RABL3: variants seen among roughly 807,000 people sequenced by gnomAD.
RABL3 encodes the protein RAB, member of RAS oncogene family like 3.
Under a neutral mutation model 31.8 loss-of-function variants are expected in RABL3, and 31 were observed. The observed-to-expected ratio is 0.97, with a 90% CI of 0.73 to 1.31. The LOEUF (loss-of-function observed/expected upper bound fraction) is 1.31, where lower values mean the gene tolerates loss of function less well. RABL3 is among the 40% of genes most tolerant of loss of function. The pLI is 0.00. For synonymous variants in RABL3, 97 were observed against 99.9 expected, an observed-to-expected ratio of 0.97 and a Z score of 0.18; for missense variants, 263 against 279.6, an observed-to-expected ratio of 0.94 and a Z score of 0.42.
rs780485372 is a variant in RABL3 at position 120,685,866 on chromosome 3, T to TA, written c.*3956dup. ...CAAAATCCTGGCCTTATCCTATACA[T>TA]ATAGAAAGGGGAGAGTAAGGGAAGA... On this transcript the variant is annotated 3_prime_UTR_variant, in exon 8 of 8. Transcript: ENST00000273375. Among the ~76,000 whole-genome samples, 1 of 152,176 alleles carries TA rather than the reference T, an allele frequency of 6.6e-6. No individual in the cohort carries two copies. The highest frequency in any genetic ancestry group is 1.5e-5 in the Non-Finnish European group (1 of 68,016).
At chr3:120,731,163 T>C (rs547260529) in intron 1 of RABL3, among the ~76,000 whole-genome samples, 20 of 152,334 alleles carry the variant, frequency 1.3e-4, no homozygotes, top group Admixed American at 2.0e-4. Flanking sequence ...ATCCCTTTCC[T>C]TTTGAATGAT....
chr3:120,699,863 C>T (rs1381314547), intron 4 of RABL3, among the ~76,000 whole-genome samples: 1 of 152,188 alleles, frequency 6.6e-6, no homozygotes, highest in Non-Finnish European at 1.5e-5. Flanking sequence ...TCAACAGCAA[C>T]TCTAATTAAA....
intron 2 of RABL3, among the ~76,000 whole-genome samples, chr3:120,727,782 T>C (rs1307258683): frequency 6.6e-6 from 1 of 152,116 alleles, no homozygotes; most frequent in Non-Finnish European, 1.5e-5. Flanking sequence ...GCAAGGTTGG[T>C]TTAACATTCA....
rs1033148650 is a variant in RABL3 at position 120,686,720 on chromosome 3, T to C, written c.*3103A>G. The C allele has an allele frequency of 6.6e-6, 1 of 152,230 alleles. No homozygotes were observed. Among genetic ancestry groups the C allele is most frequent in the African/African-American group, 2.4e-5 (1 of 41,460 alleles). 9.4% of individuals were successfully genotyped at this position (152,230 alleles called of 1,614,324 possible). On this transcript the variant is annotated 3_prime_UTR_variant, in exon 8 of 8. Coordinates refer to ENST00000273375, the MANE Select transcript of RABL3 (RefSeq NM_173825.5). ...ACACACATTTATTTACTGTAAGTTTTACATGACAGGAATCTTCAGAAATGA... is the reference window on the plus strand; with the variant it reads ...ACACACATTTATTTACTGTAAGTTTCACATGACAGGAATCTTCAGAAATGA...
At chr3:120,712,945 G>A (rs1410149663) in intron 2 of RABL3, among the ~76,000 whole-genome samples, 2 of 151,986 alleles carry the variant, frequency 1.3e-5, no homozygotes, top group Non-Finnish European at 2.9e-5. Context: ...CTTCTGGGAT[G>A]GGGCTCAAGA....
At chr3:120,732,580 A>C (rs571959961) in intron 1 of RABL3, among the ~76,000 whole-genome samples, 23 of 152,220 alleles carry the variant, frequency 1.5e-4, no homozygotes, top group African/African-American at 5.5e-4. Context: ...TTTTATTATT[A>C]TACTTTAAGT....
chr3:120,703,972 A>C (rs1708521799), intron 4 of RABL3, among the ~76,000 whole-genome samples: 1 of 152,186 alleles, frequency 6.6e-6, no homozygotes, highest in African/African-American at 2.4e-5. Context: ...AATTCTACCA[A>C]ACCTTCAAAG....
At chr3:120,735,563 T>C (rs1183015252) in intron 1 of RABL3, among the ~76,000 whole-genome samples, 1 of 152,170 alleles carries the variant, frequency 6.6e-6, no homozygotes, top group Non-Finnish European at 1.5e-5. Flanking sequence ...GCTCTGATCT[T>C]AGTTATTTCT....
chr3:120,736,142 G>C (rs896710537), intron 1 of RABL3, among the ~76,000 whole-genome samples: 5 of 152,100 alleles, frequency 3.3e-5, no homozygotes, highest in African/African-American at 7.2e-5. Context: ...TTGACAGTGG[G>C]GTGTTAAAGT....
At chr3:120,694,277 T>C (rs1023319509) in intron 5 of RABL3, 53 bp from the exon 6 acceptor site, 4 of 1,206,592 alleles carry the variant, frequency 3.3e-6, no homozygotes, top group Non-Finnish European at 4.9e-6. Context: ...CCCAAGCTCG[T>C]TGCTATTCAT....
rs180830651 is a variant in RABL3 at position 120,698,602 on chromosome 3, T to G, written c.384-29A>C. The G allele has an allele frequency of 7.7e-6, 12 of 1,562,126 alleles. No homozygotes were observed. The African/African-American group carries it at 1.2e-4, about 16-fold the overall frequency. ...TGATAAATAATAATGAAGAGGTGAA[T>G]AGAATGTATCTTTCTGGTGTAGATG... On this transcript the variant is annotated intron_variant, in intron 4 of 7. Transcript: ENST00000273375.
intron 1 of RABL3, among the ~76,000 whole-genome samples, chr3:120,741,415 T>C (rs1230210906): frequency 1.3e-5 from 2 of 152,170 alleles, no homozygotes; most frequent in East Asian, 3.8e-4. Context: ...TTTTATTTAG[T>C]TTCTATTAAG....
intron 1 of RABL3, among the ~76,000 whole-genome samples, chr3:120,737,786 C>A (rs7637165): frequency 3.3e-5 from 5 of 152,174 alleles, no homozygotes; most frequent in Admixed American, 2.6e-4. Context: ...GATGGAGGTC[C>A]GCTCCAGACC....
chr3:120,708,959 T>C (rs984857350), intron 3 of RABL3, among the ~76,000 whole-genome samples: 1 of 151,756 alleles, frequency 6.6e-6, no homozygotes, highest in African/African-American at 2.4e-5. Context: ...ATATAAGGAA[T>C]GAACATACTG....
chr3:120,706,119 A>C lies in RABL3; in HGVS notation c.269-5T>G. 1 of 1,542,966 alleles carries C rather than the reference A, an allele frequency of 6.5e-7. No individual in the cohort carries two copies. The highest frequency in any genetic ancestry group is 9.0e-7 in the Non-Finnish European group (1 of 1,115,452). On this transcript the variant is annotated splice_region_variant and splice_polypyrimidine_tract_variant and intron_variant, in intron 3 of 7. Coordinates refer to ENST00000273375, the MANE Select transcript of RABL3 (RefSeq NM_173825.5). ...AGTCGTGTACGAAAATAATACCTAA[A>C]ATAATCAGAGAAAACAATGTTAATC...
chr3:120,742,416 T>C, intron 1 of RABL3, 46 bp downstream of exon 1: 1 of 1,586,170 alleles, frequency 6.3e-7, no homozygotes. Flanking sequence ...GGTTACTGGG[T>C]AACTCAAAAG....
At chr3:120,716,391 A>G (rs1708669827) in intron 2 of RABL3, among the ~76,000 whole-genome samples, 1 of 152,176 alleles carries the variant, frequency 6.6e-6, no homozygotes, top group Non-Finnish European at 1.5e-5. Context: ...GTAAATCCAA[A>G]ATGTTAGTAA....
intron 2 of RABL3, among the ~76,000 whole-genome samples, chr3:120,714,345 CT>C (rs998766671): frequency 1.3e-5 from 2 of 152,138 alleles, no homozygotes; most frequent in African/African-American, 4.8e-5. Flanking sequence ...ATTAATTTAT[CT>C]CATTCACTGC....
At chr3:120,717,028 G>A (rs1399692658) in intron 2 of RABL3, among the ~76,000 whole-genome samples, 2 of 152,124 alleles carry the variant, frequency 1.3e-5, no homozygotes, top group East Asian at 3.9e-4. Context: ...CTAGGTGGGT[G>A]GATCACCTGA....
Sources: allele counts gnomAD v4.1 joint callset (sites outside exome capture counted in the v4.1 genomes callset), GRCh38; gene constraint gnomAD v4.1.1; transcripts MANE v1.5; gene names NCBI Gene and HGNC (gene_info 2026-07-23, HGNC 2026-07-21).